ADGRB3: variants seen among roughly 807,000 people sequenced by gnomAD.
The protein encoded by ADGRB3 is adhesion G protein-coupled receptor B3.
Under a neutral mutation model 193.4 loss-of-function variants are expected in ADGRB3, and 37 were observed. The ratio of observed to expected loss-of-function variants is 0.19; its 90% CI spans 0.15 to 0.25. The LOEUF (loss-of-function observed/expected upper bound fraction) is 0.25. Among genes scored for constraint, ADGRB3 ranks in the 10% least tolerant of loss-of-function variants. The probability of loss-of-function intolerance (pLI) is 1.00; values close to 1 mark genes in which losing one functional copy is unlikely to be tolerated. For missense variants in ADGRB3, 1,637 were observed against 1,852.9 expected (o/e 0.88, Z 2.14); for synonymous variants, 690 against 644.2 (o/e 1.07, Z -1.08).
At chr6:69,115,445 G>A (rs12174799) in intron 17 of ADGRB3, among the ~76,000 whole-genome samples, 3 of 152,214 alleles carry the variant, frequency 2.0e-5, no homozygotes, top group South Asian at 4.2e-4. Flanking sequence ...GGGCCAGACT[G>A]GGGGATCGGG....
intron 20 of ADGRB3, among the ~76,000 whole-genome samples, chr6:69,260,769 G>T (rs939976939): frequency 9.2e-5 from 14 of 152,020 alleles, no homozygotes; most frequent in Non-Finnish European, 7.4e-5. Flanking sequence ...ATTTCCTTAT[G>T]TCCTGGGATT....
At chr6:69,129,557 C>A (rs1773948428) in intron 17 of ADGRB3, among the ~76,000 whole-genome samples, 1 of 152,066 alleles carries the variant, frequency 6.6e-6, no homozygotes, top group Non-Finnish European at 1.5e-5. Flanking sequence ...TTTCTTAAGT[C>A]AATGGACTGG....
intron 11 of ADGRB3, among the ~76,000 whole-genome samples, chr6:69,005,671 G>C (rs1769726839): frequency 6.6e-6 from 1 of 152,106 alleles, no homozygotes. Context: ...CTTTTGGTCT[G>C]GCAGGTTGCA....
intron 17 of ADGRB3, among the ~76,000 whole-genome samples, chr6:69,192,585 A>C (rs973527703): frequency 6.6e-6 from 1 of 152,160 alleles, no homozygotes. Flanking sequence ...TTTCTTATCT[A>C]TAGTAATATA....
chr6:69,234,356 C>T (rs769153837), intron 18 of ADGRB3, among the ~76,000 whole-genome samples: 3 of 151,896 alleles, frequency 2.0e-5, no homozygotes, highest in Non-Finnish European at 4.4e-5. Flanking sequence ...GCTTATTTTT[C>T]AAGGTCATGC....
At chr6:68,865,197 C>T (rs1397889908) in intron 3 of ADGRB3, among the ~76,000 whole-genome samples, 1 of 152,004 alleles carries the variant, frequency 6.6e-6, no homozygotes, top group Non-Finnish European at 1.5e-5. Context: ...TTTTGCTCAT[C>T]CTCAGACCCT....
chr6:69,029,377 C>T (rs987766077), intron 13 of ADGRB3, among the ~76,000 whole-genome samples: 1 of 152,154 alleles, frequency 6.6e-6, no homozygotes, highest in Admixed American at 6.5e-5. Context: ...TTTGTTACTC[C>T]TTCAGTCTCC....
In ADGRB3 at chr6:68,637,446, T is replaced by C. The variant is rs1767984315; in HGVS notation, c.-132T>C. The stretch of plus-strand genomic sequence containing the variant: ...TTTAAAATTAACTTGGCATCACTTT[T>C]ATCAGCTCAAAGGCTAAACAAACAA... On this transcript the variant is annotated 5_prime_UTR_variant, in exon 2 of 32. Coordinates refer to ENST00000370598, the MANE Select transcript of ADGRB3 (RefSeq NM_001704.3). The C allele has an allele frequency of 6.5e-6, 1 of 152,688 alleles. No individual in the cohort carries two copies. Among genetic ancestry groups the C allele is most frequent in the Non-Finnish European group, 1.5e-5 (1 of 68,046 alleles). 9.5% of individuals were successfully genotyped at this position (152,688 alleles called of 1,614,324 possible). A position where few individuals can be genotyped will look rare whatever the true frequency, so the allele number is the denominator to read the frequency against.
At chr6:68,847,316 G>A (rs1582250580) in intron 3 of ADGRB3, among the ~76,000 whole-genome samples, 1 of 152,248 alleles carries the variant, frequency 6.6e-6, no homozygotes. Context: ...AGACTTTGGG[G>A]GAATGTTGGG....
At chr6:69,274,595 T>TTCCCTCCC (rs36136728) in intron 20 of ADGRB3, among the ~76,000 whole-genome samples, 9 of 92,398 alleles carry the variant, frequency 9.7e-5, no homozygotes, top group Admixed American at 5.5e-4. Context: ...TTCCTCCCTT[T>TTCCCTCCC]TCCCTCCCTC....
intron 17 of ADGRB3, among the ~76,000 whole-genome samples, chr6:69,208,325 T>C (rs1051243714): frequency 6.6e-6 from 1 of 152,202 alleles, no homozygotes; most frequent in Non-Finnish European, 1.5e-5. Flanking sequence ...CTCAGGGAAG[T>C]CCACCAACAT....
chr6:68,884,886 C>T (rs1765861925), intron 3 of ADGRB3, among the ~76,000 whole-genome samples: 1 of 152,096 alleles, frequency 6.6e-6, no homozygotes, highest in Admixed American at 6.5e-5. Context: ...TTTTAAAAGG[C>T]TTCCTATACC....
intron 20 of ADGRB3, among the ~76,000 whole-genome samples, chr6:69,262,613 C>T (rs1766953964): frequency 6.6e-6 from 1 of 151,770 alleles, no homozygotes; most frequent in Admixed American, 6.6e-5. Context: ...ACAATAATTC[C>T]CTCTTTTGTC....
At chr6:69,296,065 T>C (rs1292003235) in intron 20 of ADGRB3, among the ~76,000 whole-genome samples, 1 of 152,166 alleles carries the variant, frequency 6.6e-6, no homozygotes, top group African/African-American at 2.4e-5. Context: ...TGTGGAGTTA[T>C]GTTATCCTAT....
At chr6:69,182,244 G>A (rs1281158537) in intron 17 of ADGRB3, among the ~76,000 whole-genome samples, 1 of 152,054 alleles carries the variant, frequency 6.6e-6, no homozygotes, top group Non-Finnish European at 1.5e-5. Context: ...GCAGAGTAGA[G>A]TATGAAGAAA....
chr6:68,979,947 C>A (rs1463293589), intron 10 of ADGRB3, among the ~76,000 whole-genome samples: 1 of 151,308 alleles, frequency 6.6e-6, no homozygotes, highest in East Asian at 1.9e-4. Flanking sequence ...AGAATGTATG[C>A]CCCTGTAGGT....
intron 3 of ADGRB3, among the ~76,000 whole-genome samples, chr6:68,787,654 T>C (rs1304275563): frequency 2.0e-5 from 3 of 152,202 alleles, no homozygotes; most frequent in African/African-American, 7.2e-5. Flanking sequence ...GGTATCAGGA[T>C]GATGCTGGCC....
At chr6:69,341,301 C>T (rs977357705) in intron 26 of ADGRB3, among the ~76,000 whole-genome samples, 2 of 152,118 alleles carry the variant, frequency 1.3e-5, no homozygotes, top group Non-Finnish European at 1.5e-5. Flanking sequence ...TTTTAATGAT[C>T]GCCTTTCTAA....
At chr6:69,269,503 C>T (rs181281985) in intron 20 of ADGRB3, among the ~76,000 whole-genome samples, 42 of 152,188 alleles carry the variant, frequency 2.8e-4, no homozygotes, top group Non-Finnish European at 5.3e-4. Context: ...TCAAGTAGTT[C>T]CCTTTAATCA....
Sources: allele counts gnomAD v4.1 joint callset (sites outside exome capture counted in the v4.1 genomes callset), GRCh38; gene constraint gnomAD v4.1.1; transcripts MANE v1.5; gene names NCBI Gene and HGNC (gene_info 2026-07-23, HGNC 2026-07-21).